Variants in CSMD2 observed in about 807,000 individuals in gnomAD.
CSMD2 encodes CUB and Sushi multiple domains 2, also known as CUB and sushi domain-containing protein 2.
CSMD2 carries 130 observed loss-of-function variants against 398.5 expected under a neutral mutation model. The observed-to-expected ratio is 0.33, with a 90% CI of 0.28 to 0.38. The LOEUF (loss-of-function observed/expected upper bound fraction) is 0.38, where lower values mean the gene tolerates loss of function less well. CSMD2 is among the 10% of genes least tolerant of loss of function. The pLI, the probability that CSMD2 is intolerant of heterozygous loss-of-function variation, is 1.00. For missense variants in CSMD2, 3,829 were observed against 4,764.9 expected (o/e 0.80, Z 5.78); for synonymous variants, 1,828 against 1,908.5 (o/e 0.96, Z 1.10).
chr1:34,142,210 T>C (rs1639361011), intron 1 of CSMD2, among the ~76,000 whole-genome samples: 1 of 152,170 alleles, frequency 6.6e-6, no homozygotes, highest in Admixed American at 6.6e-5. Flanking sequence ...GGTCATCCTG[T>C]CCTGGCGGCC....
At chr1:33,598,191 G>T (rs1639965693) in intron 44 of CSMD2, among the ~76,000 whole-genome samples, 1 of 152,188 alleles carries the variant, frequency 6.6e-6, no homozygotes, top group African/African-American at 2.4e-5. Flanking sequence ...TAGGCTCAAT[G>T]ATGGTGTTCA....
intron 3 of CSMD2, among the ~76,000 whole-genome samples, chr1:34,030,234 T>G (rs904552968): frequency 6.6e-6 from 1 of 152,228 alleles, no homozygotes; most frequent in Non-Finnish European, 1.5e-5. Context: ...AATAGCCATA[T>G]GTGGCTGATG....
At position 33,577,416 on chromosome 1, in the gene CSMD2, C is replaced by T. The variant is rs374084658; in HGVS notation, c.7456G>A (p.Gly2486Arg). The T allele has an allele frequency of 3.3e-5, 53 of 1,614,044 alleles. No homozygotes were observed. The highest frequency in any genetic ancestry group is 1.5e-4 in the Admixed American group (9 of 60,016). Residue 2486 changes from glycine (G) to arginine (R), a missense_variant, in exon 49 of 71, where the codon GGG (glycine) becomes AGG (arginine). Gly to Arg is a moderately radical substitution (Grantham distance 125). This residue lies in a region of CSMD2 where 723 missense variants were observed against 758.6 expected (regional missense o/e 0.95). Coordinates refer to ENST00000373381, the MANE Select transcript of CSMD2 (RefSeq NM_001281956.2). ...FILGQTSTQP[G>R]GSIHFGCNAG... ...TTGCAGCCAAAGTGGATGGAGCCCC[C>T]GGGCTGGGTGCTGGTCTGGCCTAGG...
intron 29 of CSMD2, among the ~76,000 whole-genome samples, chr1:33,645,344 TACACACACACACACACACACACACACAC>T (rs4044501): frequency 7.3e-6 from 1 of 136,272 alleles, no homozygotes; most frequent in African/African-American, 2.8e-5. Context: ...TGGAGCATTA[TACACACACACACACACACACACACACAC>T]ACACACACAC....
intron 10 of CSMD2, among the ~76,000 whole-genome samples, chr1:33,809,159 G>A (rs1438364189): frequency 6.6e-6 from 1 of 151,808 alleles, no homozygotes; most frequent in African/African-American, 2.4e-5. Flanking sequence ...AGAAAGAGAG[G>A]AAATACTCTT....
chr1:33,833,826 A>G (rs551376093), intron 6 of CSMD2, among the ~76,000 whole-genome samples: 1 of 152,282 alleles, frequency 6.6e-6, no homozygotes, highest in South Asian at 2.1e-4. Context: ...ATCAATGTAC[A>G]AAAATCACAA....
At chr1:34,070,983 C>T (rs1022377345) in intron 2 of CSMD2, among the ~76,000 whole-genome samples, 3 of 152,152 alleles carry the variant, frequency 2.0e-5, no homozygotes, top group African/African-American at 4.8e-5. Context: ...CAGGGCATCA[C>T]AAAAGCCCCT....
At chr1:33,530,407 C>G (rs1198488136) in intron 64 of CSMD2, among the ~76,000 whole-genome samples, 1 of 152,154 alleles carries the variant, frequency 6.6e-6, no homozygotes, top group African/African-American at 2.4e-5. Context: ...CACCTCCTAC[C>G]TGTTAGAAGG....
At chr1:33,535,915 C>T (rs1247386259) in intron 62 of CSMD2, among the ~76,000 whole-genome samples, 1 of 152,220 alleles carries the variant, frequency 6.6e-6, no homozygotes, top group Non-Finnish European at 1.5e-5. Flanking sequence ...CCCGTTCACA[C>T]CCCTTTATAT....
chr1:33,765,559 G>T (rs1161277366), intron 13 of CSMD2, among the ~76,000 whole-genome samples: 1 of 152,124 alleles, frequency 6.6e-6, no homozygotes, highest in Non-Finnish European at 1.5e-5. Flanking sequence ...ACTCCAGATG[G>T]AGTAACAAAT....
intron 1 of CSMD2, among the ~76,000 whole-genome samples, chr1:34,089,862 A>G (rs1411327275): frequency 4.6e-5 from 7 of 152,120 alleles, no homozygotes; most frequent in Admixed American, 4.6e-4. Context: ...TATCGTTAAG[A>G]AAAAAATTCC....
chr1:33,832,531 G>A (rs1212494992), intron 6 of CSMD2, among the ~76,000 whole-genome samples: 3 of 149,654 alleles, frequency 2.0e-5, no homozygotes, highest in Non-Finnish European at 4.4e-5. Flanking sequence ...AGCACTAAAT[G>A]CCCACAAGAG....
At chr1:33,730,489 A>G (rs1646683720) in intron 15 of CSMD2, among the ~76,000 whole-genome samples, 2 of 152,198 alleles carry the variant, frequency 1.3e-5, no homozygotes, top group Admixed American at 1.3e-4. Flanking sequence ...GAAACTCAGA[A>G]GCAGAGTGAA....
intron 2 of CSMD2, among the ~76,000 whole-genome samples, chr1:34,072,684 C>T (rs1045118497): frequency 1.3e-5 from 2 of 152,134 alleles, no homozygotes; most frequent in African/African-American, 4.8e-5. Flanking sequence ...CAAGGTGAGG[C>T]TTTGCCACAA....
chr1:33,823,563 C>T (rs1380879229), intron 7 of CSMD2, among the ~76,000 whole-genome samples: 1 of 152,080 alleles, frequency 6.6e-6, no homozygotes, highest in East Asian at 1.9e-4. Context: ...CAGGAAGGCA[C>T]CACCTTCTAC....
intron 19 of CSMD2, 26 bp downstream of exon 19, chr1:33,724,171 T>A (rs1464825235): frequency 6.5e-7 from 1 of 1,537,794 alleles, no homozygotes; most frequent in Non-Finnish European, 9.0e-7. Flanking sequence ...CACATCCCAA[T>A]GCCTGCTATG....
In CSMD2 at chr1:33,567,744, C is replaced by G. The variant is rs1438469997; in HGVS notation, c.8229G>C (p.Glu2743Asp). Residue 2743 changes from glutamate (E) to aspartate (D), a missense_variant, in exon 53 of 71, where the codon GAG (glutamate) becomes GAC (aspartate). By Grantham distance (45) the Glu-to-Asp change is conservative. Transcript: ENST00000373381. Reference sequence around the variant, plus strand: ...CATTGATGTGTCCGTTGACAATGGGCTCAGGAGTCCCACAGTGTCCAGCTT... The same window carrying G: ...CATTGATGTGTCCGTTGACAATGGGGTCAGGAGTCCCACAGTGTCCAGCTT... ...LTKAGHCGTP[E>D]PIVNGHINGE... The G allele has an allele frequency of 1.2e-6, 2 of 1,613,940 alleles. No individual in the cohort carries two copies. The highest frequency in any genetic ancestry group is 2.7e-5 in the African/African-American group (2 of 74,904).
chr1:34,123,262 C>T (rs1209676657), intron 1 of CSMD2, among the ~76,000 whole-genome samples: 1 of 152,108 alleles, frequency 6.6e-6, no homozygotes, highest in East Asian at 1.9e-4. Flanking sequence ...ATTAATCATG[C>T]CTACGTAATG....
intron 10 of CSMD2, among the ~76,000 whole-genome samples, chr1:33,800,892 G>A (rs1003356369): frequency 1.3e-5 from 2 of 152,288 alleles, no homozygotes; most frequent in South Asian, 2.1e-4. Context: ...GGAGGCACAC[G>A]GCAAACCTCT....
Sources: gnomAD v4.1 joint callset for allele counts (sites outside exome capture counted in the v4.1 genomes callset) on GRCh38, gnomAD v4.1.1 for gene constraint, gnomAD v4.1.1 regional missense constraint, MANE v1.5 for transcripts, NCBI Gene and HGNC (gene_info 2026-07-23, HGNC 2026-07-21) for gene names.